The following PPP6R2 variants were observed in gnomAD, a reference collection of about 807,000 sequenced individuals.
PPP6R2 encodes protein phosphatase 6 regulatory subunit 2.
In PPP6R2, 62 loss-of-function variants were observed where a neutral mutation model predicts 100.2. The observed-to-expected ratio is 0.62, with a 90% CI of 0.50 to 0.76. The LOEUF (loss-of-function observed/expected upper bound fraction) is 0.76, where lower values mean the gene tolerates loss of function less well. Among genes scored for constraint, PPP6R2 ranks in the 30% least tolerant of loss-of-function variants. The probability of loss-of-function intolerance (pLI) is 0.00; values close to 1 mark genes in which losing one functional copy is unlikely to be tolerated. For missense variants in PPP6R2, 1,142 were observed against 1,276.3 expected (o/e 0.89, Z 1.60); for synonymous variants, 525 against 514.7 (o/e 1.02, Z -0.27).
chr22:50,332,918 A>G, the PPP6R2 span, among the ~76,000 whole-genome samples: 1 of 152,254 alleles, frequency 6.6e-6, no homozygotes, highest in East Asian at 1.9e-4. Flanking sequence ...CACCACAACC[A>G]GTCCTAAATT....
At chr22:50,394,838 C>G (rs1021100570) in intron 3 of PPP6R2, among the ~76,000 whole-genome samples, 1 of 140,662 alleles carries the variant, frequency 7.1e-6, no homozygotes, top group African/African-American at 2.6e-5. Context: ...GGTGTGAACC[C>G]GGGAGGTGGA....
intron 1 of PPP6R2, among the ~76,000 whole-genome samples, chr22:50,360,275 T>C (rs1264541564): frequency 6.6e-6 from 1 of 151,864 alleles, no homozygotes; most frequent in Admixed American, 6.6e-5. Context: ...ATGGTCTTGA[T>C]CTCTTGACCT....
chr22:50,332,939 A>G, the PPP6R2 span, among the ~76,000 whole-genome samples: 2 of 152,096 alleles, frequency 1.3e-5, no homozygotes, highest in African/African-American at 4.8e-5. Flanking sequence ...CTTTTTTTAT[A>G]TAGATAATCA....
upstream of PPP6R2, among the ~76,000 whole-genome samples, chr22:50,340,392 GGTGTGTGTGGT>G (rs1371772457): frequency 8.1e-6 from 1 of 123,978 alleles, no homozygotes; most frequent in African/African-American, 3.1e-5. Context: ...TATGGTATGT[GGTGTGTGTGGT>G]GTGTGTGTAG....
intron 3 of PPP6R2, among the ~76,000 whole-genome samples, chr22:50,403,987 G>A (rs1428400952): frequency 2.0e-5 from 3 of 152,174 alleles, no homozygotes; most frequent in South Asian, 2.1e-4. Context: ...TCTACCTGGC[G>A]GTGGCCACAT....
upstream of PPP6R2, among the ~76,000 whole-genome samples, chr22:50,341,624 G>A (rs971173807): frequency 3.3e-5 from 5 of 152,226 alleles, no homozygotes; most frequent in African/African-American, 4.8e-5. Flanking sequence ...TCAGGAGAGA[G>A]AAACTGGTTT....
chr22:50,401,998 C>T (rs538768724), intron 3 of PPP6R2, among the ~76,000 whole-genome samples: 3 of 152,294 alleles, frequency 2.0e-5, no homozygotes, highest in Non-Finnish European at 4.4e-5. Flanking sequence ...TTCAAGTTCT[C>T]ATTCATGGAT....
At chr22:50,441,137 TCTC>T in intron 22 of PPP6R2, 111 bp downstream of exon 22, 2 of 962,582 alleles carry the variant, frequency 2.1e-6, no homozygotes, top group Non-Finnish European at 1.5e-6. Flanking sequence ...GCCAGGGTCT[TCTC>T]CACACTGCCT....
chr22:50,424,197 C>T (rs780259588), intron 10 of PPP6R2, among the ~76,000 whole-genome samples: 2 of 152,204 alleles, frequency 1.3e-5, no homozygotes, highest in African/African-American at 2.4e-5. Flanking sequence ...GAACGAAGGG[C>T]ACTGCCCTAG....
intron 2 of PPP6R2, among the ~76,000 whole-genome samples, chr22:50,375,424 A>T (rs1346150649): frequency 6.6e-6 from 1 of 152,136 alleles, no homozygotes; most frequent in Non-Finnish European, 1.5e-5. Flanking sequence ...TGGGGCTTTG[A>T]GTTTAGAGGA....
In PPP6R2 at chr22:50,358,528, C is replaced by T. The variant is rs529094962; in HGVS notation, c.-147-13492C>T. 2.6e-5 allele frequency among the ~76,000 whole-genome samples: 4 copies of T among 152,238 alleles called. No homozygotes were observed. In the South Asian group the frequency reaches 8.3e-4, roughly 32 times the overall value. On this transcript the variant is annotated intron_variant, in intron 1 of 23. Coordinates refer to ENST00000612753, the MANE Select transcript of PPP6R2 (RefSeq NM_001242898.2). Reference sequence around the variant, plus strand: ...GATAAAATTAATATGATAAACTATACATGCTTAAAGTATAAAATTTGATAA... The same window carrying T: ...GATAAAATTAATATGATAAACTATATATGCTTAAAGTATAAAATTTGATAA...
At chr22:50,422,509 T>C in intron 9 of PPP6R2, 129 bp downstream of exon 9, 1 of 1,181,576 alleles carries the variant, frequency 8.5e-7, no homozygotes, top group Non-Finnish European at 1.2e-6. Flanking sequence ...AAGACGGCCA[T>C]TCCCACACCC....
chr22:50,419,510 G>C (rs2147703326), intron 8 of PPP6R2, 48 bp downstream of exon 8: 1 of 1,334,870 alleles, frequency 7.5e-7, no homozygotes, highest in Admixed American at 1.8e-5. Flanking sequence ...TGACGCCTCA[G>C]TGATATGGCA....
the PPP6R2 span, among the ~76,000 whole-genome samples, chr22:50,337,875 A>G: frequency 2.2e-3 from 146 of 65,360 alleles, no homozygotes; most frequent in Middle Eastern, 0.018. Context: ...TGTGTGGTGT[A>G]TGTGTGGTGT....
intron 4 of PPP6R2, among the ~76,000 whole-genome samples, chr22:50,413,271 AT>A (rs541686061): frequency 1.1e-4 from 17 of 151,922 alleles, no homozygotes; most frequent in Non-Finnish European, 1.5e-4. Context: ...CCAGATAAGT[AT>A]TTTTTTTCAA....
chr22:50,363,680 T>TA (rs1387525092), intron 1 of PPP6R2, among the ~76,000 whole-genome samples: 2 of 152,216 alleles, frequency 1.3e-5, no homozygotes, highest in African/African-American at 2.4e-5. Flanking sequence ...CTTCTGCTCT[T>TA]ACGGACGGAC....
intron 5 of PPP6R2, 56 bp downstream of exon 5, chr22:50,414,745 C>T: frequency 6.3e-7 from 1 of 1,578,356 alleles, no homozygotes; most frequent in African/African-American, 1.3e-5. Flanking sequence ...AGGAAGCCAG[C>T]TGGTTAAGTG....
intron 8 of PPP6R2, among the ~76,000 whole-genome samples, chr22:50,421,466 C>A (rs556029266): frequency 3.0e-4 from 45 of 152,326 alleles, no homozygotes; most frequent in African/African-American, 8.7e-4. Flanking sequence ...CCTGTCCCCC[C>A]CAAAGTGCTG....
the PPP6R2 span, among the ~76,000 whole-genome samples, chr22:50,333,202 G>T: frequency 6.6e-6 from 1 of 151,840 alleles, no homozygotes; most frequent in Non-Finnish European, 1.5e-5. Context: ...TAATTGTGAG[G>T]GTTTTTTTTA....
Sources: allele counts gnomAD v4.1 joint callset (sites outside exome capture counted in the v4.1 genomes callset), GRCh38; gene constraint gnomAD v4.1.1; transcripts MANE v1.5; gene names NCBI Gene and HGNC (gene_info 2026-07-23, HGNC 2026-07-21).